Variants in PIEZO1 observed in about 807,000 individuals in gnomAD.
PIEZO1 encodes the protein piezo type mechanosensitive ion channel component 1 (Er blood group).
In PIEZO1, 296 loss-of-function variants were observed where a neutral mutation model predicts 297.2. That is an observed-to-expected ratio of 1.00 (90% CI 0.91 to 1.10). The LOEUF (loss-of-function observed/expected upper bound fraction) is 1.10, where lower values mean the gene tolerates loss of function less well. Ranked by LOEUF, PIEZO1 falls within the 50% of genes least tolerant of loss-of-function variation. The pLI is 0.00. For missense variants in PIEZO1, 5,018 were observed against 3,455.5 expected, an observed-to-expected ratio of 1.45 and a Z score of -11.34; for synonymous variants, 2,427 against 1,507.5, an observed-to-expected ratio of 1.61 and a Z score of -14.13.
chr16:88,726,866 C>A lies in PIEZO1; in HGVS notation c.3548G>T (p.Ser1183Ile). The A allele has an allele frequency of 1.3e-6, 2 of 1,550,404 alleles. No homozygotes were observed. The highest frequency in any genetic ancestry group is 2.4e-5 in the East Asian group (1 of 40,920). Residue 1183 changes from serine (S) to isoleucine (I), a missense_variant, in exon 25 of 51, where the codon AGC becomes ATC. Ser to Ile is a moderately radical substitution (Grantham distance 142). Coordinates refer to ENST00000301015, the MANE Select transcript of PIEZO1 (RefSeq NM_001142864.4). ...VVFVTGATRI[S>I]IFGLGYLLAC... ...CAGCAGGTAGCCCAGCCCGAAGATG[C>A]TGATGCGGGTGGCCCCCGTGACAAA... is the stretch of plus-strand genomic sequence containing the variant.
At chr16:88,742,117 C>G (rs895690344) in intron 3 of PIEZO1, 22 bp from the exon 4 acceptor site, 8 of 1,535,518 alleles carry the variant, frequency 5.2e-6, no homozygotes, top group Non-Finnish European at 7.0e-6. Context: ...GACGGGGGAA[C>G]CCAGGTCAGG....
At chr16:88,730,129 G>C (rs536873597) in intron 22 of PIEZO1, among the ~76,000 whole-genome samples, 10 of 152,388 alleles carry the variant, frequency 6.6e-5, no homozygotes, top group Non-Finnish European at 1.3e-4. Flanking sequence ...GGAAGAGCTG[G>C]AGGGCCCAGA....
rs1018254216 is a variant in PIEZO1 at position 88,749,234 on chromosome 16, C to T, written c.160+150G>A. 85 of 539,150 alleles carry T rather than the reference C, an allele frequency of 1.6e-4. 1 individual carries two copies. Among genetic ancestry groups the T allele is most frequent in the African/African-American group, 1.4e-4 (7 of 49,746 alleles). 33.4% of individuals were successfully genotyped at this position (539,150 alleles called of 1,614,324 possible). ...CAGCCTGGGCGACTGAGCGAGACTC[C>T]GTCTCAAAAAAAAAAAAAAATTTTA... On this transcript the variant is annotated intron_variant, in intron 2 of 50. Coordinates refer to ENST00000301015, the MANE Select transcript of PIEZO1 (RefSeq NM_001142864.4).
In PIEZO1 at chr16:88,734,402, C is replaced by T. The variant is rs903837177; in HGVS notation, c.2134G>A (p.Glu712Lys). Residue 712 changes from glutamate (E) to lysine (K), a missense_variant, in exon 16 of 51, where the codon GAG becomes AAG. Glu to Lys is a moderately conservative substitution (Grantham distance 56). Coordinates refer to ENST00000301015, the MANE Select transcript of PIEZO1 (RefSeq NM_001142864.4). ...HRPFMQLTDM[E>K]HVSLPGTRLP... Reference sequence around the variant, plus strand: ...CGCGTGCCAGGCAGGGACACGTGCTCCATGTCGGTGAGCTGCATGAAGGGC... The same window carrying T: ...CGCGTGCCAGGCAGGGACACGTGCTTCATGTCGGTGAGCTGCATGAAGGGC... 9.0e-6 allele frequency: 14 copies of T among 1,548,964 alleles called. No individual in the cohort carries two copies. The highest frequency in any genetic ancestry group is 1.1e-5 in the Non-Finnish European group (13 of 1,146,240).
In PIEZO1 at chr16:88,732,401, C is replaced by T. The variant is rs1212617134; in HGVS notation, c.2925G>A (p.Leu975=). The change falls in exon 21 of 51, where the codon CTG becomes CTA. Residue 975 remains leucine, a synonymous_variant. Transcript: ENST00000301015. ...AVFASGTRQQ[L]DQDLLGCLKY... ...TGAGGCAGCCGAGCAGATCCTGGTC[C>T]AGCTGCTGGCGGGTGCCGCTGGCAA... 1.2e-5 allele frequency: 19 copies of T among 1,549,850 alleles called. No individual in the cohort carries two copies. The East Asian group carries it at 2.9e-4, about 24-fold the overall frequency.
chr16:88,738,043 A>T lies in PIEZO1; in HGVS notation c.911T>A (p.Leu304His). 1 of 1,535,486 alleles carries T rather than the reference A, an allele frequency of 6.5e-7. No homozygotes were observed. Among genetic ancestry groups the T allele is most frequent in the Non-Finnish European group, 8.7e-7 (1 of 1,146,576 alleles). The change falls in exon 8 of 51, where the codon CTC becomes CAC. Residue 304 changes from leucine (L) to histidine (H), a missense_variant. Transcript: ENST00000301015. ...CACAGGCCAGTCCAGGCCGGTGTTG[A>T]GGACCAGCGCGTGGGGGCTGGAGCA... ...TNCSSPHALV[L>H]NTGLDWPVYA...
At chr16:88,719,387 T>G in intron 44 of PIEZO1, 187 bp downstream of exon 44, 1 of 605,168 alleles carries the variant, frequency 1.7e-6, no homozygotes, top group East Asian at 2.8e-5. Flanking sequence ...CGCCCAGCAC[T>G]CACTCGCAGC....
chr16:88,733,287 G>T lies in PIEZO1; in HGVS notation c.2655C>A (p.Asn885Lys). 1 of 1,541,454 alleles carries T rather than the reference G, an allele frequency of 6.5e-7. No individual in the cohort carries two copies. The highest frequency in any genetic ancestry group is 8.8e-7 in the Non-Finnish European group (1 of 1,139,498). ...CCTCGGGGGCCGGTACCTCGGTGCA[G>T]TTGCTGGAATACTCCTGGGGGTTGA... is the stretch of plus-strand genomic sequence containing the variant. ...KVVNPQEYSS[N>K]CTEPFPNSTN... is the part of the protein sequence containing the mutation. Residue 885 changes from asparagine (N) to lysine (K), a missense_variant, in exon 19 of 51, where the codon AAC (asparagine) becomes AAA (lysine). Asn to Lys is a moderately conservative substitution (Grantham distance 94). Coordinates refer to ENST00000301015, the MANE Select transcript of PIEZO1 (RefSeq NM_001142864.4).
In PIEZO1 at chr16:88,722,184, G is replaced by A. The variant is rs767294401; in HGVS notation, c.4955+34C>T. On this transcript the variant is annotated intron_variant, in intron 36 of 50. Coordinates refer to ENST00000301015, the MANE Select transcript of PIEZO1 (RefSeq NM_001142864.4). ...TGTTCGGCTGCTCCCCGAGGGCCATGGTGAGGCTGGTGTTGTGCGCGTCCC... is the reference window on the plus strand; with the variant it reads ...TGTTCGGCTGCTCCCCGAGGGCCATAGTGAGGCTGGTGTTGTGCGCGTCCC... The A allele has an allele frequency of 3.9e-6, 6 of 1,534,954 alleles. No individual in the cohort carries two copies. In the African/African-American group the frequency reaches 5.5e-5, roughly 14 times the overall value.
intron 1 of PIEZO1, among the ~76,000 whole-genome samples, chr16:88,783,254 C>G (rs1908017305): frequency 6.6e-6 from 1 of 152,216 alleles, no homozygotes. Context: ...CAGCAAACCA[C>G]ATGTGCCACA....
chr16:88,725,696 C>A lies in PIEZO1; in HGVS notation c.3969-12G>T. 7.0e-7 allele frequency: 1 copy of A among 1,430,290 alleles called. No individual in the cohort carries two copies. The highest frequency in any genetic ancestry group is 9.6e-7 in the Non-Finnish European group (1 of 1,038,088). The allele number at this position is 1,430,290 out of a possible 1,614,324, so 88.6% of individuals were successfully genotyped here. ...AGAGGGCGAAGCCCCTGTAGGGAGG[C>A]GGGGATGGGGTGTGAGCACCAGGCA... On this transcript the variant is annotated splice_polypyrimidine_tract_variant and intron_variant, in intron 27 of 50. Transcript: ENST00000301015.
At chr16:88,764,842 G>A (rs961967046) in intron 1 of PIEZO1, among the ~76,000 whole-genome samples, 1 of 152,088 alleles carries the variant, frequency 6.6e-6, no homozygotes, top group Non-Finnish European at 1.5e-5. Context: ...CCAAAACGAG[G>A]ACTCCGCCCT....
At chr16:88,760,130 C>T (rs959290201) in intron 1 of PIEZO1, among the ~76,000 whole-genome samples, 10 of 151,142 alleles carry the variant, frequency 6.6e-5, no homozygotes, top group African/African-American at 2.0e-4. Context: ...CCACCCCACA[C>T]GCCCACCTCG....
At position 88,784,932 on chromosome 16, in the gene PIEZO1, G is replaced by T. The variant is rs2142919711; in HGVS notation, c.33C>A (p.Tyr11Ter). The T allele has an allele frequency of 7.1e-7, 1 of 1,414,564 alleles. No homozygotes were observed. Among genetic ancestry groups the T allele is most frequent in the South Asian group, 1.4e-5 (1 of 73,850 alleles). The allele number at this position is 1,414,564 out of a possible 1,614,324, so 87.6% of individuals were successfully genotyped here. Residue 11 changes from tyrosine (Y) to a stop codon, truncating the protein, a stop_gained, in exon 1 of 51, where the codon TAC (tyrosine) becomes TAA (stop). Coordinates refer to ENST00000301015, the MANE Select transcript of PIEZO1 (RefSeq NM_001142864.4). LOFTEE classifies it high-confidence loss of function. MEPHVLGAVL[Y>*]WLLLPCALLA... ...GCAGCGCGCAGGGCAGCAGCAGCCA[G>T]TACAGGACCGCGCCGAGCACGTGCG...
In PIEZO1 at chr16:88,716,019, C is replaced by T; in HGVS notation, c.7230G>A (p.Glu2410=). The change falls in exon 50 of 51, where the codon GAG becomes GAA. Residue 2410 remains glutamate (E), a synonymous_variant. Coordinates refer to ENST00000301015, the MANE Select transcript of PIEZO1 (RefSeq NM_001142864.4). ...FLEWWVIELQ[E]CRTDCNLLPM... is the part of the protein sequence containing the mutation. ...GCAGCAGGTTGCAGTCGGTCCGGCACTCCTGCAGCTCGATGACCCACCATT... is the reference window on the plus strand; with the variant it reads ...GCAGCAGGTTGCAGTCGGTCCGGCATTCCTGCAGCTCGATGACCCACCATT... 6.5e-7 allele frequency: 1 copy of T among 1,550,252 alleles called. No individual in the cohort carries two copies. The highest frequency in any genetic ancestry group is 8.7e-7 in the Non-Finnish European group (1 of 1,146,938).
intron 1 of PIEZO1, among the ~76,000 whole-genome samples, chr16:88,751,098 T>A (rs1906366469): frequency 6.6e-6 from 1 of 151,922 alleles, no homozygotes; most frequent in Non-Finnish European, 1.5e-5. Flanking sequence ...CCCCGGGAAG[T>A]CTTCTGGAGG....
At chr16:88,774,477 G>A (rs1317197819) in intron 1 of PIEZO1, among the ~76,000 whole-genome samples, 2 of 152,236 alleles carry the variant, frequency 1.3e-5, no homozygotes, top group African/African-American at 4.8e-5. Flanking sequence ...AGCTGTGATA[G>A]CCAGGACAGC....
intron 22 of PIEZO1, among the ~76,000 whole-genome samples, chr16:88,728,238 C>T (rs889924318): frequency 1.3e-5 from 2 of 152,250 alleles, no homozygotes; most frequent in South Asian, 2.1e-4. Flanking sequence ...GGGAGGGAGC[C>T]GTGGCACTGC....
chr16:88,744,521 G>A (rs1241104674), intron 2 of PIEZO1, among the ~76,000 whole-genome samples: 1 of 151,586 alleles, frequency 6.6e-6, no homozygotes, highest in Non-Finnish European at 1.5e-5. Context: ...TGCCTGACCA[G>A]AGACCCCTGG....
Sources: allele counts gnomAD v4.1 joint callset (sites outside exome capture counted in the v4.1 genomes callset), GRCh38; gene constraint gnomAD v4.1.1; transcripts MANE v1.5; gene names NCBI Gene and HGNC (gene_info 2026-07-23, HGNC 2026-07-21).